ALG13: variants seen among roughly 807,000 people sequenced by gnomAD.
The protein encoded by ALG13 is ALG13 UDP-N-acetylglucosaminyltransferase subunit, also known as UDP-N-acetylglucosamine transferase subunit ALG13.
Under a neutral mutation model 87.8 loss-of-function variants are expected in ALG13, and 11 were observed. The ratio of observed to expected loss-of-function variants is 0.13; its 90% confidence interval spans 0.08 to 0.21. The LOEUF is 0.21. ALG13 is among the 10% of genes least tolerant of loss of function. The pLI, the probability that ALG13 is intolerant of heterozygous loss-of-function variation, is 1.00. For synonymous variants in ALG13, 320 were observed against 306.3 expected, an observed-to-expected ratio of 1.04 and a Z score of -0.47; for missense variants, 756 against 866.1, an observed-to-expected ratio of 0.87 and a Z score of 1.60.
In ALG13 at chrX:111,744,678, A is replaced by G; in HGVS notation, c.2706A>G (p.Ser902=). 8.4e-7 allele frequency: 1 copy of G among 1,184,536 alleles called. No individual in the cohort carries two copies. Among genetic ancestry groups the G allele is most frequent in the South Asian group, 1.9e-5 (1 of 53,816 alleles). The change falls in exon 24 of 27, where the codon TCA becomes TCG. Residue 902 remains serine, a synonymous_variant. Transcript: ENST00000394780. The stretch of plus-strand genomic sequence containing the variant: ...TTGTTTCTTTGTTAGTGATTGCCTC[A>G]CCATCCTATCCATGCCATTCTGCTA... ...PPTHGRPVIA[S]PSYPCHSAIP...
intron 3 of ALG13, chrX:111,689,460 A>G: frequency 1.3e-6 from 1 of 753,861 alleles, no homozygotes; most frequent in African/African-American, 2.3e-5. Context: ...TACAGCCCCT[A>G]AATCCTTTGC....
chrX:111,717,581 C>T (rs1940812506), intron 8 of ALG13, among the ~76,000 whole-genome samples: 1 of 94,612 alleles, frequency 1.1e-5, no homozygotes, highest in Admixed American at 1.2e-4. Context: ...TAAATCAGGA[C>T]TTGTTTGGTA....
chrX:111,732,514 G>A (rs1219491783), intron 21 of ALG13, among the ~76,000 whole-genome samples: 2 of 111,907 alleles, frequency 1.8e-5, no homozygotes, highest in Non-Finnish European at 3.8e-5. Context: ...TCACAGCAGG[G>A]CAAAAGATAC....
intron 16 of ALG13, 82 bp downstream of exon 16, chrX:111,727,137 C>T (rs1382606764): frequency 3.6e-6 from 4 of 1,098,619 alleles, no homozygotes; most frequent in Non-Finnish European, 5.0e-6. Context: ...AGAATGCCAT[C>T]AAGATGAGGG....
intron 4 of ALG13, 145 bp from the exon 5 acceptor site, chrX:111,708,820 A>T: frequency 5.2e-6 from 2 of 387,434 alleles, no homozygotes; most frequent in Non-Finnish European, 8.8e-6. Flanking sequence ...ATATTAAAAA[A>T]ACTTTTAGTA....
At chrX:111,715,839 C>G (rs1181377812) in intron 8 of ALG13, among the ~76,000 whole-genome samples, 3 of 112,533 alleles carry the variant, frequency 2.7e-5, no homozygotes, top group African/African-American at 9.7e-5. Flanking sequence ...TGGCATCTTT[C>G]ATCTTGTGTG....
intron 3 of ALG13, chrX:111,689,181 T>G: frequency 1.4e-6 from 1 of 739,017 alleles, no homozygotes; most frequent in Non-Finnish European, 1.6e-6. Context: ...AAAATTTTGC[T>G]GAGAATAATC....
At chrX:111,734,114 GT>G (rs1211134193) in intron 21 of ALG13, among the ~76,000 whole-genome samples, 1 of 112,214 alleles carries the variant, frequency 8.9e-6, no homozygotes, top group African/African-American at 3.2e-5. Context: ...TTGTCTATCT[GT>G]TTACTCTGCT....
Position 111,725,026 on chromosome X carries a change from A to G in ALG13, c.1694A>G (p.Tyr565Cys), listed in dbSNP as rs1159974001. Residue 565 changes from tyrosine (Y) to cysteine (C), a missense_variant, in exon 15 of 27, where the codon TAC (tyrosine) becomes TGC (cysteine). Physicochemically the swap from Tyr to Cys is radical, Grantham distance 194. Coordinates refer to ENST00000394780, the MANE Select transcript of ALG13 (RefSeq NM_001099922.3). ...NAMPSRKGRG[Y>C]QKMPGGYVPE... ...ATGCCCAGTCGGAAAGGAAGAGGTTACCAGAAAATGCCTGGGGGTTATGTC... is the reference window on the plus strand; with the variant it reads ...ATGCCCAGTCGGAAAGGAAGAGGTTGCCAGAAAATGCCTGGGGGTTATGTC... The G allele has an allele frequency of 1.3e-5, 16 of 1,209,802 alleles. No homozygotes were observed. Among genetic ancestry groups the G allele is most frequent in the Non-Finnish European group, 1.8e-5 (16 of 894,981 alleles).
At chrX:111,700,038 G>GGT (rs1235820006) in intron 3 of ALG13, among the ~76,000 whole-genome samples, 8 of 78,758 alleles carry the variant, frequency 1.0e-4, no homozygotes, top group African/African-American at 3.8e-4. Context: ...TTATTTGTGG[G>GGT]TTTTTTTTTT....
At chrX:111,683,247 C>T (rs1240818330) in intron 2 of ALG13, among the ~76,000 whole-genome samples, 1 of 109,806 alleles carries the variant, frequency 9.1e-6, no homozygotes, top group African/African-American at 3.3e-5. Context: ...TTTGTCCAGC[C>T]GGGAAGTGGT....
At chrX:111,740,781 A>G (rs185270430) in intron 23 of ALG13, among the ~76,000 whole-genome samples, 28 of 112,175 alleles carry the variant, frequency 2.5e-4, no homozygotes, top group Admixed American at 4.7e-4. Context: ...GTTGAATATA[A>G]AAGTTCTTAG....
intron 10 of ALG13, among the ~76,000 whole-genome samples, chrX:111,719,161 G>T (rs1243354158): frequency 9.1e-6 from 1 of 109,575 alleles, no homozygotes; most frequent in Non-Finnish European, 1.9e-5. Flanking sequence ...CGAGTAGCTG[G>T]GACTACAGGC....
intron 24 of ALG13, among the ~76,000 whole-genome samples, chrX:111,751,925 ATAGTT>A (rs1324426268): frequency 2.7e-5 from 3 of 112,057 alleles, no homozygotes; most frequent in Non-Finnish European, 5.6e-5. Flanking sequence ...CATTTATGAA[ATAGTT>A]TAGTTTCATA....
chrX:111,714,149 T>C (rs1394924095), intron 8 of ALG13: 2 of 111,197 alleles, frequency 1.8e-5, no homozygotes, highest in Non-Finnish European at 3.8e-5. Context: ...GAATAGGAGA[T>C]AACTTAGAAG....
At chrX:111,726,045 G>A (rs140611107) in intron 15 of ALG13, among the ~76,000 whole-genome samples, 2,751 of 111,195 alleles carry the variant, frequency 0.025, 89 homozygotes, top group African/African-American at 0.087. Flanking sequence ...CCGGGTTCAC[G>A]CCATTCTCCT....
At chrX:111,690,279 A>G in intron 3 of ALG13, 1 of 753,935 alleles carries the variant, frequency 1.3e-6, no homozygotes, top group African/African-American at 2.3e-5. Flanking sequence ...GCAGTGTTCT[A>G]TTAGAGGTAC....
chrX:111,726,645 G>A (rs1193963258), intron 15 of ALG13, among the ~76,000 whole-genome samples, 164 bp from the exon 16 acceptor site: 1 of 111,178 alleles, frequency 9.0e-6, no homozygotes, highest in African/African-American at 3.3e-5. Context: ...CCAAATAAAA[G>A]ATCTAGTATA....
Position 111,744,839 on chromosome X carries a change from AACCACCACCACCACT to A in ALG13, c.2874_2888del (p.Leu961_Pro965del), listed in dbSNP as rs746614953. 7.6e-6 allele frequency: 9 copies of A among 1,189,198 alleles called. No individual in the cohort carries two copies. Among genetic ancestry groups the A allele is most frequent in the Admixed American group, 2.3e-5 (1 of 43,661 alleles). ...GATGTGGGAGAGACTTCAAACTTAC[AACCACCACCACCACT>A]ACCACCTCCACCTTATTCCTGTGAT... On this transcript the variant is annotated inframe_deletion, in exon 24 of 27. Transcript: ENST00000394780.
Sources: allele counts gnomAD v4.1 joint callset (sites outside exome capture counted in the v4.1 genomes callset), GRCh38; gene constraint gnomAD v4.1.1; transcripts MANE v1.5; gene names NCBI Gene and HGNC (gene_info 2026-07-23, HGNC 2026-07-21).